Variants in DGKD observed in about 807,000 individuals in gnomAD.
DGKD encodes the protein diacylglycerol kinase delta.
DGKD carries 68 observed loss-of-function variants against 154.4 expected under a neutral mutation model. The ratio of observed to expected loss-of-function variants is 0.44; its 90% confidence interval spans 0.36 to 0.54. The LOEUF (loss-of-function observed/expected upper bound fraction) is 0.54. DGKD is among the 20% of genes least tolerant of loss of function. DGKD has a pLI of 0.00. For missense variants in DGKD, 1,343 were observed against 1,593.6 expected, an observed-to-expected ratio of 0.84 and a Z score of 2.68; for synonymous variants, 693 against 638.0, an observed-to-expected ratio of 1.09 and a Z score of -1.30.
chr2:233,405,327 T>C (rs2061657899), intron 3 of DGKD, among the ~76,000 whole-genome samples: 2 of 152,186 alleles, frequency 1.3e-5, no homozygotes. Context: ...GAGATCAGCC[T>C]GATCAACATG....
At chr2:233,397,840 AG>A (rs1291894563) in intron 3 of DGKD, among the ~76,000 whole-genome samples, 1 of 150,884 alleles carries the variant, frequency 6.6e-6, no homozygotes, top group Non-Finnish European at 1.5e-5. Flanking sequence ...TCAGGTCAGA[AG>A]GGGGTGGAGT....
chr2:233,354,666 C>T lies in DGKD; in HGVS notation c.148C>T (p.Arg50Ter), dbSNP rs1701453070. The T allele has an allele frequency of 3.9e-6, 4 of 1,029,910 alleles. No homozygotes were observed. Among genetic ancestry groups the T allele is most frequent in the Non-Finnish European group, 4.7e-6 (4 of 855,244 alleles). The allele number at this position is 1,029,910 out of a possible 1,614,324, so 63.8% of individuals were successfully genotyped here. A position where few individuals can be genotyped will look rare whatever the true frequency, so the allele number is the denominator to read the frequency against. ...IRKVSTSGQI[R>*]QKTIIKEGML... ...CAAGGTGTCCACGTCGGGTCAGATCCGACAGAAGGTGAGCCCGCGGCGCGG... is the reference window on the plus strand; with the variant it reads ...CAAGGTGTCCACGTCGGGTCAGATCTGACAGAAGGTGAGCCCGCGGCGCGG... Residue 50 changes from arginine (R) to a stop codon, truncating the protein, a stop_gained, in exon 1 of 30, where the codon CGA (arginine) becomes TGA (stop). Coordinates refer to ENST00000264057, the MANE Select transcript of DGKD (RefSeq NM_152879.3). LOFTEE classifies it high-confidence loss of function. The surrounding 1 kb of genome is among the most constrained non-coding windows in gnomAD (Gnocchi z 4.8).
At position 233,408,445 on chromosome 2, in the gene DGKD, G is replaced by C. The variant is rs570088970; in HGVS notation, c.348+17962G>C. ...AGAATTGTATTTGTGGGTCCCAAAA[G>C]TCCTCTTGAGTGTGAAGTGTCTTTG... On this transcript the variant is annotated intron_variant, in intron 3 of 29. Coordinates refer to ENST00000264057, the MANE Select transcript of DGKD (RefSeq NM_152879.3). 5.9e-5 allele frequency among the ~76,000 whole-genome samples: 9 copies of C among 152,358 alleles called. No individual in the cohort carries two copies. The East Asian group carries it at 1.5e-3, about 26-fold the overall frequency.
At chr2:233,465,328 G>T (rs1254278313) in intron 27 of DGKD, among the ~76,000 whole-genome samples, 1 of 152,190 alleles carries the variant, frequency 6.6e-6, no homozygotes, top group Non-Finnish European at 1.5e-5. Flanking sequence ...AGTAAAGTGG[G>T]CAGTGAGGTG....
At position 233,464,175 on chromosome 2, in the gene DGKD, G is replaced by A. The variant is rs377191277; in HGVS notation, c.3198G>A (p.Pro1066=). ...TCCGCCTGGAGCAGCAGCTGGATCC[G>A]CCTCAGAAGGAGCAGCTGGGGAGTG... is the stretch of plus-strand genomic sequence containing the variant. The part of the protein sequence containing the change: ...LSGKMALQLD[P]PQKEQLGSAL... The change falls in exon 27 of 30, where the codon CCG becomes CCA. Residue 1066 remains proline (P), a synonymous_variant. Coordinates refer to ENST00000264057, the MANE Select transcript of DGKD (RefSeq NM_152879.3). The A allele has an allele frequency of 3.7e-6, 6 of 1,613,416 alleles. No homozygotes were observed. The highest frequency in any genetic ancestry group is 1.3e-5 in the African/African-American group (1 of 74,936).
chr2:233,421,732 C>T (rs942013741), intron 3 of DGKD, among the ~76,000 whole-genome samples: 1 of 152,210 alleles, frequency 6.6e-6, no homozygotes, highest in Non-Finnish European at 1.5e-5. Flanking sequence ...TTTCTGGTCT[C>T]CCGTTTTTCC....
intron 18 of DGKD, among the ~76,000 whole-genome samples, chr2:233,453,884 G>A (rs956721601): frequency 6.6e-5 from 10 of 152,270 alleles, no homozygotes; most frequent in African/African-American, 2.4e-4. Flanking sequence ...GCCTTGTGCT[G>A]TGGGGCTGGG....
At chr2:233,416,746 T>G (rs2061969909) in intron 3 of DGKD, among the ~76,000 whole-genome samples, 1 of 152,210 alleles carries the variant, frequency 6.6e-6, no homozygotes, top group African/African-American at 2.4e-5. Context: ...TGCCTTTCCT[T>G]GTCACCAGGA....
Position 233,451,048 on chromosome 2 carries a change from C to T in DGKD, c.2165C>T (p.Pro722Leu), listed in dbSNP as rs1020807792. ...LPALNTKILY[P>L]NVRAGMSGSL... is the part of the protein sequence containing the mutation. ...GCGCTCAACACCAAGATCCTGTACC[C>T]AAGTGAGTGGCGGCCAGCAGGAGGG... Residue 722 changes from proline (P) to leucine (L), a missense_variant and splice_region_variant, in exon 17 of 30, where the codon CCA (proline) becomes CTA (leucine). Pro to Leu is a moderately conservative substitution (Grantham distance 98). This residue lies in a region of DGKD where 409 missense variants were observed against 446.0 expected (regional missense o/e 0.92). Transcript: ENST00000264057. 1.2e-6 allele frequency: 2 copies of T among 1,603,928 alleles called. No homozygotes were observed. The highest frequency in any genetic ancestry group is 1.7e-6 in the Non-Finnish European group (2 of 1,171,462).
Position 233,434,808 on chromosome 2 carries a change from A to G in DGKD, c.493A>G (p.Asn165Asp). The change falls in exon 5 of 30, where the codon AAT becomes GAT. Residue 165 changes from asparagine (N) to aspartate (D), a missense_variant. This residue lies in a region of DGKD where 332 missense variants were observed against 400.1 expected (regional missense o/e 0.83). Coordinates refer to ENST00000264057, the MANE Select transcript of DGKD (RefSeq NM_152879.3). ...CATGGACCACTTCTCAGGGATGCAC[A>G]ATTGGTACGCCTGTTCCCACGCGAG... is the stretch of plus-strand genomic sequence containing the variant. Reference protein sequence around the residue: ...YSMDHFSGMHNWYACSHARPT... With the variant: ...YSMDHFSGMHDWYACSHARPT... 2.5e-6 allele frequency: 4 copies of G among 1,614,212 alleles called. No individual in the cohort carries two copies. The highest frequency in any genetic ancestry group is 3.4e-6 in the Non-Finnish European group (4 of 1,180,030).
chr2:233,386,190 G>A (rs935440887), intron 1 of DGKD: 3 of 337,376 alleles, frequency 8.9e-6, no homozygotes, highest in African/African-American at 6.5e-5. Context: ...GGGAAGAGAT[G>A]GAAGTGATTG....
At chr2:233,435,776 C>G (rs2125592543) in intron 5 of DGKD, 42 bp from the exon 6 acceptor site, 1 of 1,574,546 alleles carries the variant, frequency 6.4e-7, no homozygotes, top group East Asian at 2.3e-5. Flanking sequence ...AAGCTCTTGG[C>G]ACAGACACAG....
intron 3 of DGKD, among the ~76,000 whole-genome samples, chr2:233,419,645 A>C (rs1241825303): frequency 1.3e-5 from 2 of 152,166 alleles, no homozygotes; most frequent in Non-Finnish European, 2.9e-5. Context: ...TGTGGTTCTC[A>C]CCTGGCCAGA....
chr2:233,438,420 A>G lies in DGKD; in HGVS notation c.1085+41A>G. 6.4e-7 allele frequency: 1 copy of G among 1,570,954 alleles called. No homozygotes were observed. The highest frequency in any genetic ancestry group is 2.3e-5 in the East Asian group (1 of 44,242). On this transcript the variant is annotated intron_variant, in intron 9 of 29. Transcript: ENST00000264057. The surrounding 1 kb of genome is among the most constrained non-coding windows in gnomAD (Gnocchi z 4.1). ...AATATATCTTTCTTGGAGTTTTAAAAATTGTGTAGATAGTGTGTGCTTGTT... is the reference window on the plus strand; with the variant it reads ...AATATATCTTTCTTGGAGTTTTAAAGATTGTGTAGATAGTGTGTGCTTGTT...
intron 18 of DGKD, 97 bp from the exon 19 acceptor site, chr2:233,454,666 A>G: frequency 1.4e-6 from 1 of 703,544 alleles, no homozygotes; most frequent in Non-Finnish European, 2.5e-6. Context: ...AAAAGTTACC[A>G]GTTTTCCCCA....
intron 10 of DGKD, among the ~76,000 whole-genome samples, chr2:233,444,967 G>A (rs535902364): frequency 1.3e-5 from 2 of 152,134 alleles, no homozygotes; most frequent in South Asian, 4.2e-4. Context: ...CCTAAGCAAT[G>A]GAATGGTGTA....
intron 19 of DGKD, 97 bp downstream of exon 19, chr2:233,454,970 G>C (rs1435021056): frequency 2.6e-6 from 2 of 769,022 alleles, no homozygotes; most frequent in African/African-American, 1.8e-5. Flanking sequence ...GTTAAAGAAC[G>C]TGCAGAATGC....
rs530616379 is a variant in DGKD, at chr2:233,438,076, C to T, written c.923-141C>T. 14 of 944,476 alleles carry T rather than the reference C, an allele frequency of 1.5e-5. No homozygotes were observed. The African/African-American group carries it at 2.1e-4, about 14-fold the overall frequency. 58.5% of individuals were successfully genotyped at this position (944,476 alleles called of 1,614,324 possible). A position where few individuals can be genotyped will look rare whatever the true frequency, so the allele number is the denominator to read the frequency against. On this transcript the variant is annotated intron_variant, in intron 8 of 29. Coordinates refer to ENST00000264057, the MANE Select transcript of DGKD (RefSeq NM_152879.3). The surrounding 1 kb of genome is among the most constrained non-coding windows in gnomAD (Gnocchi z 4.1). ...TGGAGACCGGCTGTGGGGAACTGTT[C>T]ACTGACCTCCTCCTGACTTACAGGT...
At position 233,449,196 on chromosome 2, in the gene DGKD, A is replaced by G. The variant is rs1393142282; in HGVS notation, c.1708A>G (p.Ile570Val). The change falls in exon 15 of 30, where the codon ATT (isoleucine) becomes GTT (valine). Residue 570 changes from isoleucine (I) to valine (V), a missense_variant. Transcript: ENST00000264057. The surrounding 1 kb of genome is among the most constrained non-coding windows in gnomAD (Gnocchi z 5.3). ...CTCTCTGCCCAACCCGCCCCCCACC[A>G]TTGCCGAGGAGGCTGAAGATGGAGA... ...SSSLPNPPPTIAEEAEDGDGS... is the reference protein window; with the variant it reads ...SSSLPNPPPTVAEEAEDGDGS... 1 of 1,613,652 alleles carries G rather than the reference A, an allele frequency of 6.2e-7. No homozygotes were observed. Among genetic ancestry groups the G allele is most frequent in the Non-Finnish European group, 8.5e-7 (1 of 1,179,908 alleles).
Sources: allele counts gnomAD v4.1 joint callset (sites outside exome capture counted in the v4.1 genomes callset), GRCh38; gene constraint gnomAD v4.1.1; regional missense constraint gnomAD v4.1.1; non-coding constraint Gnocchi (gnomAD v3.1); transcripts MANE v1.5; gene names NCBI Gene and HGNC (gene_info 2026-07-23, HGNC 2026-07-21).